Variants in ACAD10 observed in about 807,000 individuals in gnomAD.
ACAD10 encodes acyl-CoA dehydrogenase family member 10.
In ACAD10, 112 loss-of-function variants were observed where a neutral mutation model predicts 116.8. That is an observed-to-expected ratio of 0.96 (90% confidence interval 0.82 to 1.12). The LOEUF (loss-of-function observed/expected upper bound fraction) is 1.12, where lower values mean the gene tolerates loss of function less well. Among genes scored for constraint, ACAD10 ranks in the 50% most tolerant of loss-of-function variants. The pLI, the probability that ACAD10 is intolerant of heterozygous loss-of-function variation, is 0.00. For synonymous variants in ACAD10, 486 were observed against 510.6 expected (o/e 0.95, Z 0.65); for missense variants, 1,259 against 1,350.2 (o/e 0.93, Z 1.06).
At chr12:111,699,886 C>G (rs1888300180) in intron 2 of ACAD10, among the ~76,000 whole-genome samples, 1 of 152,076 alleles carries the variant, frequency 6.6e-6, no homozygotes, top group Non-Finnish European at 1.5e-5. Flanking sequence ...TGCCACAGCT[C>G]CCCAGCCTGG....
intron 10 of ACAD10, 91 bp downstream of exon 10, chr12:111,730,047 G>A: frequency 6.7e-7 from 1 of 1,485,186 alleles, no homozygotes; most frequent in African/African-American, 1.4e-5. Flanking sequence ...TTTACAGCTG[G>A]GAATTATTCC....
chr12:111,744,251 G>C (rs918315909), intron 12 of ACAD10, among the ~76,000 whole-genome samples: 3 of 152,094 alleles, frequency 2.0e-5, no homozygotes, highest in Non-Finnish European at 2.9e-5. Flanking sequence ...TAGCAAGGGT[G>C]GTCTAGGATG....
intron 12 of ACAD10, among the ~76,000 whole-genome samples, chr12:111,743,149 A>T (rs1399517017): frequency 6.6e-6 from 1 of 152,218 alleles, no homozygotes; most frequent in Non-Finnish European, 1.5e-5. Flanking sequence ...CACTGTGAGG[A>T]GACATTGTAC....
rs147891605 is a variant in ACAD10, at chr12:111,689,262, A to T, written c.-14+3023A>T. ...AATATATAAATATATATACATGCAT[A>T]TATATGTATGTATACCTAAAACAGT... On this transcript the variant is annotated intron_variant, in intron 1 of 20. Coordinates refer to ENST00000313698, the MANE Select transcript of ACAD10 (RefSeq NM_025247.6). Among the ~76,000 whole-genome samples the T allele has an allele frequency of 1.3e-3, 205 of 152,022 alleles. 3 individuals are homozygous for T. Among genetic ancestry groups the T allele is most frequent in the Non-Finnish European group, 5.3e-4 (36 of 67,996 alleles).
rs538538676 is a variant in ACAD10 at position 111,746,728 on chromosome 12, G to A, written c.2257-321G>A. On this transcript the variant is annotated intron_variant, in intron 14 of 20. Transcript: ENST00000313698. ...ATATTAATGTGAGAAGGCCAGGCAT[G>A]GTGGCTCACACCTGTAATCCCGGTA... Among the ~76,000 whole-genome samples the A allele has an allele frequency of 2.0e-5, 3 of 152,240 alleles. No individual in the cohort carries two copies. The East Asian group carries it at 5.8e-4, about 30-fold the overall frequency.
chr12:111,750,362 C>T (rs897443204), intron 18 of ACAD10, among the ~76,000 whole-genome samples: 13 of 150,820 alleles, frequency 8.6e-5, no homozygotes, highest in Non-Finnish European at 1.2e-4. Flanking sequence ...CCTCATGATC[C>T]GCCCACCTCA....
intron 18 of ACAD10, 65 bp from the exon 19 acceptor site, chr12:111,753,706 GC>G (rs780134332): frequency 2.9e-5 from 46 of 1,610,314 alleles, no homozygotes; most frequent in South Asian, 7.7e-5. Context: ...CAGGCCACCA[GC>G]CCCCGCCTCT....
At chr12:111,713,051 G>A (rs1395708036) in intron 6 of ACAD10, among the ~76,000 whole-genome samples, 4 of 152,130 alleles carry the variant, frequency 2.6e-5, no homozygotes, top group African/African-American at 9.7e-5. Context: ...GGTGGCTCAC[G>A]CTTGTAATCC....
chr12:111,734,167 T>C lies in ACAD10; in HGVS notation c.1540+99T>C, dbSNP rs566261730. 1.1e-4 allele frequency: 170 copies of C among 1,542,800 alleles called. No homozygotes were observed. In the African/African-American group the frequency reaches 1.9e-3, roughly 17 times the overall value. On this transcript the variant is annotated intron_variant, in intron 11 of 20. Transcript: ENST00000313698. ...GTAGTCCGTGATTGGGCGGGGGAAG[T>C]GAAAGTGAGGTCCTGGTGGTTCTGG...
At position 111,756,554 on chromosome 12, in the gene ACAD10, G is replaced by C; in HGVS notation, c.*81G>C. On this transcript the variant is annotated 3_prime_UTR_variant, in exon 21 of 21. Transcript: ENST00000313698. Reference sequence around the variant, plus strand: ...GTCACTGATGTGCCTCGAAAGATCCGGTGTTTGTGGCTCCTGCACCCTGCT... The same window carrying C: ...GTCACTGATGTGCCTCGAAAGATCCCGTGTTTGTGGCTCCTGCACCCTGCT... 1 of 1,563,992 alleles carries C rather than the reference G, an allele frequency of 6.4e-7. No homozygotes were observed. The highest frequency in any genetic ancestry group is 8.6e-7 in the Non-Finnish European group (1 of 1,159,414).
At chr12:111,723,621 GGGGCGGCTGGCC>G (rs1889112373) in intron 8 of ACAD10, among the ~76,000 whole-genome samples, 8 of 128,318 alleles carry the variant, frequency 6.2e-5, no homozygotes, top group African/African-American at 1.7e-4. Flanking sequence ...CCTCCCGGAC[GGGGCGGCTGGCC>G]GGGCGGGGGG....
intron 2 of ACAD10, among the ~76,000 whole-genome samples, chr12:111,693,397 G>A (rs1041800142): frequency 6.6e-6 from 1 of 152,098 alleles, no homozygotes; most frequent in Non-Finnish European, 1.5e-5. Context: ...AATTATCTGG[G>A]CATGATGACA....
At chr12:111,694,877 G>A (rs921553476) in intron 2 of ACAD10, among the ~76,000 whole-genome samples, 1 of 152,028 alleles carries the variant, frequency 6.6e-6, no homozygotes, top group Non-Finnish European at 1.5e-5. Flanking sequence ...AATACAAAAA[G>A]CGTACCTGGG....
Position 111,692,746 on chromosome 12 carries a change from C to T in ACAD10, c.37C>T (p.Gln13Ter), listed in dbSNP as rs1176542498. ...VRSCFQSPRL[Q>*]WVWRTAFLKH... is the part of the protein sequence containing the mutation. Reference sequence around the variant, plus strand: ...GAGCTGTTTCCAGTCCCCCCGTCTCCAGTGGGTGTGGAGAACAGCCTTCCT... The same window carrying T: ...GAGCTGTTTCCAGTCCCCCCGTCTCTAGTGGGTGTGGAGAACAGCCTTCCT... Residue 13 changes from glutamine to a stop codon, truncating the protein, a stop_gained, in exon 2 of 21, where the codon CAG becomes TAG. Transcript: ENST00000313698. LOFTEE classifies it high-confidence loss of function. 6.2e-7 allele frequency: 1 copy of T among 1,614,208 alleles called. No individual in the cohort carries two copies. Among genetic ancestry groups the T allele is most frequent in the Non-Finnish European group, 8.5e-7 (1 of 1,180,024 alleles).
chr12:111,756,399 C>T lies in ACAD10; in HGVS notation c.3106C>T (p.Leu1036=), dbSNP rs745618206. 1.9e-6 allele frequency: 3 copies of T among 1,612,264 alleles called. No individual in the cohort carries two copies. Among genetic ancestry groups the T allele is most frequent in the Non-Finnish European group, 1.7e-6 (2 of 1,179,756 alleles). Residue 1036 remains leucine, a synonymous_variant, in exon 21 of 21, where the codon CTG becomes TTG. Coordinates refer to ENST00000313698, the MANE Select transcript of ACAD10 (RefSeq NM_025247.6). The stretch of plus-strand genomic sequence containing the variant: ...TCAGTTCTTCACCTGGGCCCGAGCC[C>T]TGCGCTTTGCCGACGGCCCTGACGA... The part of the protein sequence containing the change: ...LAQFFTWARA[L]RFADGPDEVH...
Position 111,748,409 on chromosome 12 carries a change from C to G in ACAD10, c.2578C>G (p.Pro860Ala), listed in dbSNP as rs1403185409. 1 of 1,614,120 alleles carries G rather than the reference C, an allele frequency of 6.2e-7. No individual in the cohort carries two copies. Among genetic ancestry groups the G allele is most frequent in the South Asian group, 1.1e-5 (1 of 91,080 alleles). Residue 860 changes from proline (P) to alanine (A), a missense_variant, in exon 17 of 21, where the codon CCC becomes GCC. Transcript: ENST00000313698. ...CCGGCAGCAGTCTGTGCTCTTGGTT[C>G]CCATGGATACCCCAGGGATAAAAAT... ...RHRQQSVLLV[P>A]MDTPGIKIIR...
chr12:111,696,819 C>T (rs1295453357), intron 2 of ACAD10, among the ~76,000 whole-genome samples: 4 of 152,186 alleles, frequency 2.6e-5, no homozygotes, highest in Admixed American at 6.5e-5. Flanking sequence ...CAGTAGCTCA[C>T]GCCTGTAATC....
Position 111,692,826 on chromosome 12 carries a change from C to A in ACAD10, c.117C>A (p.Gly39=). Residue 39 remains glycine, a synonymous_variant, in exon 2 of 21, where the codon GGC becomes GGA. Transcript: ENST00000313698. ...QGSHRWTHLG[G]STYRAVIFDM... ...CCCACCGATGGACACACCTTGGAGG[C>A]AGCACCTACAGAGCGGTGATTTTCG... 1 of 1,614,222 alleles carries A rather than the reference C, an allele frequency of 6.2e-7. No homozygotes were observed. The highest frequency in any genetic ancestry group is 8.5e-7 in the Non-Finnish European group (1 of 1,180,042).
At chr12:111,748,631 A>G in intron 17 of ACAD10, 156 bp downstream of exon 17, 2 of 801,620 alleles carry the variant, frequency 2.5e-6, no homozygotes, top group South Asian at 1.8e-5. Flanking sequence ...ATTTCCATAC[A>G]TGAATATCAA....
Sources: allele counts gnomAD v4.1 joint callset (sites outside exome capture counted in the v4.1 genomes callset), GRCh38; gene constraint gnomAD v4.1.1; transcripts MANE v1.5; gene names NCBI Gene and HGNC (gene_info 2026-07-23, HGNC 2026-07-21).